The following SKAP2 variants were observed in gnomAD, a reference collection of about 807,000 sequenced individuals.
SKAP2 encodes the protein src kinase associated phosphoprotein 2.
Under a neutral mutation model 54.9 loss-of-function variants are expected in SKAP2, and 28 were observed. The ratio of observed to expected loss-of-function variants is 0.51; its 90% CI spans 0.38 to 0.70. The LOEUF (loss-of-function observed/expected upper bound fraction) is 0.70, where lower values mean the gene tolerates loss of function less well. SKAP2 is among the 30% of genes least tolerant of loss of function. The probability of loss-of-function intolerance (pLI) is 0.00; values close to 1 mark genes in which losing one functional copy is unlikely to be tolerated. For synonymous variants in SKAP2, 137 were observed against 134.3 expected (o/e 1.02, Z -0.14); for missense variants, 356 against 424.1 (o/e 0.84, Z 1.41).
Position 26,826,460 on chromosome 7 carries a change from C to A in SKAP2, c.307+17570G>T, listed in dbSNP as rs982048707. On this transcript the variant is annotated intron_variant, in intron 4 of 12. Coordinates refer to ENST00000345317, the MANE Select transcript of SKAP2 (RefSeq NM_003930.5). ...AATAAACTTCCCTTTCTGCTTTGTG[C>A]TTAAGCCAGTTTGAGTTGGGTTTCT... is the stretch of plus-strand genomic sequence containing the variant. Among the ~76,000 whole-genome samples, 6 of 152,270 alleles carry A rather than the reference C, an allele frequency of 3.9e-5. No homozygotes were observed. The East Asian group carries it at 1.2e-3, about 29-fold the overall frequency.
intron 6 of SKAP2, among the ~76,000 whole-genome samples, chr7:26,733,538 G>T (rs1787863263): frequency 6.6e-6 from 1 of 151,996 alleles, no homozygotes; most frequent in Non-Finnish European, 1.5e-5. Flanking sequence ...TATTAAAAGA[G>T]AAATATGATG....
At chr7:26,734,366 T>C (rs576466668) in intron 6 of SKAP2, among the ~76,000 whole-genome samples, 1 of 152,332 alleles carries the variant, frequency 6.6e-6, no homozygotes, top group South Asian at 2.1e-4. Flanking sequence ...AGAAGGTTCT[T>C]ACCAACCTGG....
At chr7:26,704,657 G>A (rs1331988941) in intron 9 of SKAP2, among the ~76,000 whole-genome samples, 4 of 152,174 alleles carry the variant, frequency 2.6e-5, no homozygotes, top group African/African-American at 4.8e-5. Flanking sequence ...GAGAAAAGAT[G>A]TGCTAGAACT....
intron 4 of SKAP2, among the ~76,000 whole-genome samples, chr7:26,824,032 T>A (rs1784439574): frequency 6.6e-6 from 1 of 152,138 alleles, no homozygotes; most frequent in Admixed American, 6.5e-5. Context: ...CTTAAAGAAA[T>A]TCTACCATGG....
chr7:26,850,871 A>G (rs1013178119), intron 3 of SKAP2, among the ~76,000 whole-genome samples: 1 of 152,200 alleles, frequency 6.6e-6, no homozygotes, highest in African/African-American at 2.4e-5. Context: ...AGACTTGCAC[A>G]TGTAAAGATA....
intron 9 of SKAP2, among the ~76,000 whole-genome samples, chr7:26,693,070 G>A (rs779743081): frequency 6.6e-6 from 1 of 152,028 alleles, no homozygotes; most frequent in South Asian, 2.1e-4. Flanking sequence ...GGTCGGTCAC[G>A]CCTGTAATCC....
intron 4 of SKAP2, among the ~76,000 whole-genome samples, chr7:26,833,397 C>CAAA (rs1218013639): frequency 2.3e-5 from 2 of 85,124 alleles, no homozygotes; most frequent in African/African-American, 4.6e-5. Context: ...GACTCCGTCT[C>CAAA]AAAAAAAAAA....
At chr7:26,694,478 GAACA>G (rs1786854878) in intron 9 of SKAP2, among the ~76,000 whole-genome samples, 1 of 88,806 alleles carries the variant, frequency 1.1e-5, no homozygotes, top group South Asian at 3.3e-4. Context: ...TTTTTTTTTT[GAACA>G]GACAGGATGA....
chr7:26,734,765 C>G (rs1361441036), intron 6 of SKAP2, among the ~76,000 whole-genome samples: 3 of 152,104 alleles, frequency 2.0e-5, no homozygotes, highest in Admixed American at 2.0e-4. Context: ...ACAGCTCTCT[C>G]TAGCCTTTTT....
In SKAP2 at chr7:26,725,462, T is replaced by C. The variant is rs887146613; in HGVS notation, c.762A>G (p.Gln254=). 4 of 1,611,722 alleles carry C rather than the reference T, an allele frequency of 2.5e-6. No individual in the cohort carries two copies. The African/African-American group carries it at 4.0e-5, about 16-fold the overall frequency. ...CTTCATAAATTTCATCATCTATTGG[T>C]TGACTGCTTGTTAGTGGATTGCTTA... ...LPISNPLTSS[Q]PIDDEIYEEL... is the part of the protein sequence containing the mutation. Residue 254 remains glutamine (Q), a synonymous_variant, in exon 9 of 13, where the codon CAA becomes CAG. Coordinates refer to ENST00000345317, the MANE Select transcript of SKAP2 (RefSeq NM_003930.5).
At chr7:26,660,380 G>C in the SKAP2 span, among the ~76,000 whole-genome samples, 1 of 151,882 alleles carries the variant, frequency 6.6e-6, no homozygotes, top group Non-Finnish European at 1.5e-5. Context: ...AAAATATTCA[G>C]GCAATTATAT....
intron 4 of SKAP2, among the ~76,000 whole-genome samples, chr7:26,837,548 C>G (rs938372424): frequency 3.3e-5 from 5 of 152,056 alleles, no homozygotes; most frequent in African/African-American, 1.2e-4. Flanking sequence ...CCAGATTTCA[C>G]AAGAACTCAC....
intron 4 of SKAP2, among the ~76,000 whole-genome samples, chr7:26,782,180 A>G (rs1292351026): frequency 6.6e-6 from 1 of 152,194 alleles, no homozygotes; most frequent in Non-Finnish European, 1.5e-5. Flanking sequence ...AAGCCATTAT[A>G]ACATCATTTG....
chr7:26,760,501 C>T (rs1782902959), intron 4 of SKAP2, among the ~76,000 whole-genome samples: 2 of 151,968 alleles, frequency 1.3e-5, no homozygotes, highest in Admixed American at 1.3e-4. Flanking sequence ...ATGTTTTTTC[C>T]CATACAAATA....
chr7:26,683,594 G>A (rs1164854332), intron 11 of SKAP2, among the ~76,000 whole-genome samples: 2 of 146,038 alleles, frequency 1.4e-5, no homozygotes, highest in Non-Finnish European at 3.0e-5. Flanking sequence ...AGAAAACAAA[G>A]GGAAAAGCAC....
intron 4 of SKAP2, among the ~76,000 whole-genome samples, chr7:26,761,550 G>A (rs569246904): frequency 3.3e-5 from 5 of 152,192 alleles, no homozygotes; most frequent in South Asian, 2.1e-4. Context: ...GCTCTAATTC[G>A]CTTTACTGAA....
chr7:26,744,911 T>C (rs1471085937), intron 4 of SKAP2, among the ~76,000 whole-genome samples: 1 of 152,208 alleles, frequency 6.6e-6, no homozygotes, highest in Non-Finnish European at 1.5e-5. Flanking sequence ...TATGCAACTT[T>C]GGTGATCAAT....
intron 4 of SKAP2, among the ~76,000 whole-genome samples, chr7:26,822,659 A>G (rs1784405005): frequency 6.6e-6 from 1 of 150,982 alleles, no homozygotes; most frequent in African/African-American, 2.4e-5. Flanking sequence ...GTGGATCACG[A>G]GGTCAGGAGA....
chr7:26,852,558 T>C (rs1489187765), intron 3 of SKAP2, among the ~76,000 whole-genome samples: 3 of 152,218 alleles, frequency 2.0e-5, no homozygotes, highest in African/African-American at 7.2e-5. Context: ...TTCTATGCTA[T>C]TTGAACTCCA....
Sources: gnomAD v4.1 joint callset for allele counts (sites outside exome capture counted in the v4.1 genomes callset) on GRCh38, gnomAD v4.1.1 for gene constraint, MANE v1.5 for transcripts, NCBI Gene and HGNC (gene_info 2026-07-23, HGNC 2026-07-21) for gene names.